SHANK2: variants seen among roughly 807,000 people sequenced by gnomAD.
SHANK2 encodes the protein SH3 and multiple ankyrin repeat domains protein 2.
Under a neutral mutation model 133.7 loss-of-function variants are expected in SHANK2, and 43 were observed. The ratio of observed to expected loss-of-function variants is 0.32; its 90% CI spans 0.25 to 0.41. SHANK2 has a LOEUF of 0.41. Among genes scored for constraint, SHANK2 ranks in the 10% least tolerant of loss-of-function variants. SHANK2 has a pLI of 1.00. For synonymous variants in SHANK2, 1,017 were observed against 952.8 expected (o/e 1.07, Z -1.24); for missense variants, 1,994 against 2,235.8 (o/e 0.89, Z 2.18).
intron 9 of SHANK2, among the ~76,000 whole-genome samples, chr11:71,067,752 C>T (rs1951084488): frequency 6.6e-6 from 1 of 152,104 alleles, no homozygotes; most frequent in South Asian, 2.1e-4. Context: ...TCACTATCAC[C>T]GTCGCCACCA....
chr11:70,539,783 G>A (rs529072865), intron 17 of SHANK2, among the ~76,000 whole-genome samples: 1 of 152,200 alleles, frequency 6.6e-6, no homozygotes, highest in African/African-American at 2.4e-5. Context: ...CGGGGGGGCC[G>A]TAGCAGAGGG....
At chr11:70,908,065 C>A in intron 10 of SHANK2, 1 of 350,774 alleles carries the variant, frequency 2.9e-6, no homozygotes. Flanking sequence ...CGTGCCATTG[C>A]ACTCTGCGCA....
intron 11 of SHANK2, among the ~76,000 whole-genome samples, chr11:70,856,953 A>G (rs1323597016): frequency 6.6e-6 from 1 of 152,144 alleles, no homozygotes; most frequent in Non-Finnish European, 1.5e-5. Context: ...ACTTCTGTCT[A>G]CCTCGTCTCT....
rs542815134 is a variant in SHANK2 at position 70,508,176 on chromosome 11, C to T, written c.2062-5245G>A. Among the ~76,000 whole-genome samples, 77 of 152,350 alleles carry T rather than the reference C, an allele frequency of 5.1e-4. No individual in the cohort carries two copies. In the South Asian group the frequency reaches 0.014, roughly 28 times the overall value. On this transcript the variant is annotated intron_variant, in intron 17 of 25. Transcript: ENST00000601538. ...GCAATGAGAGCCTGCCTACTGGGAA[C>T]GCCACAGGGCACCAGGGCTCATGGG... is the stretch of plus-strand genomic sequence containing the variant.
chr11:71,182,489 G>T (rs570456985), intron 2 of SHANK2, among the ~76,000 whole-genome samples: 10 of 152,198 alleles, frequency 6.6e-5, no homozygotes, highest in Non-Finnish European at 1.5e-4. Context: ...GGAGGCATCT[G>T]CTCCAGGCCT....
In SHANK2 at chr11:70,502,223, G is replaced by A. The variant is rs1555158815; in HGVS notation, c.2261C>T (p.Ser754Leu). The change falls in exon 19 of 26, where the codon TCG becomes TTG. Residue 754 changes from serine to leucine, a missense_variant. Transcript: ENST00000601538. Reference sequence around the variant, plus strand: ...CGACTTACCGAGCTCCTCCAGCTCCGAGGTCATGGACTTGGAGCGCAGGGT... The same window carrying A: ...CGACTTACCGAGCTCCTCCAGCTCCAAGGTCATGGACTTGGAGCGCAGGGT... ...ALTLRSKSMT[S>L]ELEELVDKAS... is the part of the protein sequence containing the mutation. The A allele has an allele frequency of 1.0e-5, 16 of 1,558,160 alleles. No homozygotes were observed. Among genetic ancestry groups the A allele is most frequent in the Non-Finnish European group, 1.4e-5 (16 of 1,149,970 alleles).
chr11:70,610,947 T>C (rs1338023462), intron 17 of SHANK2, among the ~76,000 whole-genome samples: 2 of 152,196 alleles, frequency 1.3e-5, no homozygotes, highest in Non-Finnish European at 2.9e-5. Context: ...CATATGGAAC[T>C]ATGGGGCACG....
intron 17 of SHANK2, among the ~76,000 whole-genome samples, chr11:70,580,106 A>G (rs1328678421): frequency 6.6e-6 from 1 of 152,220 alleles, no homozygotes; most frequent in Non-Finnish European, 1.5e-5. Context: ...ACTTGCTGCC[A>G]ATGCCTCAGC....
At chr11:70,582,681 G>A (rs2060199441) in intron 17 of SHANK2, among the ~76,000 whole-genome samples, 2 of 152,206 alleles carry the variant, frequency 1.3e-5, no homozygotes, top group Admixed American at 1.3e-4. Flanking sequence ...TGCTGTCGGG[G>A]TCCCTGAAGG....
At chr11:70,910,837 T>C (rs1590823327) in intron 10 of SHANK2, among the ~76,000 whole-genome samples, 1 of 147,144 alleles carries the variant, frequency 6.8e-6, no homozygotes, top group Admixed American at 6.8e-5. Flanking sequence ...AAGAATAGAG[T>C]GATGAAAATC....
Position 71,118,872 on chromosome 11 carries a change from C to A in SHANK2, c.368G>T (p.Arg123Leu), listed in dbSNP as rs561592558. 1.3e-6 allele frequency: 2 copies of A among 1,551,522 alleles called. No homozygotes were observed. Among genetic ancestry groups the A allele is most frequent in the African/African-American group, 2.7e-5 (2 of 73,052 alleles). Residue 123 changes from arginine (R) to leucine (L), a missense_variant, in exon 4 of 26, where the codon CGC becomes CTC. This residue lies in a region of SHANK2 where 653 missense variants were observed against 563.4 expected (regional missense o/e 1.16). Coordinates refer to ENST00000601538, the MANE Select transcript of SHANK2 (RefSeq NM_012309.5). ...GKFLDEERLL[R>L]EYPQPVGEGV... ...CTCACCCACGGGCTGTGGGTACTCG[C>A]GCAGGAGCCGCTCCTCATCCAGGAA...
At position 71,094,685 on chromosome 11, in the gene SHANK2, G is replaced by T. The variant is rs1951576823; in HGVS notation, c.596C>A (p.Thr199Asn). The T allele has an allele frequency of 6.4e-7, 1 of 1,551,412 alleles. No homozygotes were observed. Among genetic ancestry groups the T allele is most frequent in the Non-Finnish European group, 8.7e-7 (1 of 1,146,692 alleles). Residue 199 changes from threonine to asparagine, a missense_variant, in exon 7 of 26, where the codon ACC becomes AAC. By Grantham distance (65) the Thr-to-Asn change is moderately conservative (BLOSUM62 0). Coordinates refer to ENST00000601538, the MANE Select transcript of SHANK2 (RefSeq NM_012309.5). Reference protein sequence around the residue: ...PNFHDPETGETPLTLAAQLDD... With the variant: ...PNFHDPETGENPLTLAAQLDD... ...CAGCTGAGCGGCTAAGGTCAGGGGG[G>T]TCTCTGAGGAACCCAAACACACACA...
At chr11:71,185,729 A>G (rs1303315525) in intron 2 of SHANK2, among the ~76,000 whole-genome samples, 1 of 152,314 alleles carries the variant, frequency 6.6e-6, no homozygotes, top group South Asian at 2.1e-4. Context: ...CATGGGACAA[A>G]GCAGATACAA....
At chr11:70,828,766 T>C (rs1555057719) in intron 11 of SHANK2, among the ~76,000 whole-genome samples, 1 of 152,106 alleles carries the variant, frequency 6.6e-6, no homozygotes, top group Non-Finnish European at 1.5e-5. Flanking sequence ...CCTCCAAGGC[T>C]GGGGGACCCG....
At chr11:70,939,290 C>T (rs1382124179) in intron 10 of SHANK2, among the ~76,000 whole-genome samples, 2 of 152,196 alleles carry the variant, frequency 1.3e-5, no homozygotes, top group East Asian at 1.9e-4. Flanking sequence ...GCCTGACCAA[C>T]ATGGTGAAAC....
rs1555154707 is a variant in SHANK2, at chr11:70,487,751, T to C, written c.2573-31A>G. On this transcript the variant is annotated intron_variant, in intron 24 of 25. Transcript: ENST00000601538. This position sits in a 1 kb window ranked among gnomAD's most constrained non-coding sequence, Gnocchi z 5.8. ...AGCAGAAAACAGGTTTAGCTTTAAG[T>C]CACAATAGCAACAAAGCCTAAGTTC... is the stretch of plus-strand genomic sequence containing the variant. The C allele has an allele frequency of 6.4e-7, 1 of 1,550,670 alleles. No individual in the cohort carries two copies. Among genetic ancestry groups the C allele is most frequent in the South Asian group, 1.2e-5 (1 of 84,058 alleles).
chr11:70,652,333 C>T (rs993031578), intron 17 of SHANK2, among the ~76,000 whole-genome samples: 3 of 152,104 alleles, frequency 2.0e-5, no homozygotes, highest in Non-Finnish European at 2.9e-5. Context: ...TGGAAGTGTC[C>T]GACGTACTTG....
intron 6 of SHANK2, among the ~76,000 whole-genome samples, chr11:71,095,721 T>C (rs1252849305): frequency 6.6e-6 from 1 of 152,248 alleles, no homozygotes; most frequent in Non-Finnish European, 1.5e-5. Context: ...TTAATTGTGA[T>C]GTTTACTTAT....
intron 10 of SHANK2, among the ~76,000 whole-genome samples, chr11:70,942,395 C>T (rs967792766): frequency 1.3e-5 from 2 of 152,098 alleles, no homozygotes; most frequent in Non-Finnish European, 2.9e-5. Flanking sequence ...CTTATGGGAA[C>T]AAACCCATTC....
Sources: allele counts gnomAD v4.1 joint callset (sites outside exome capture counted in the v4.1 genomes callset), GRCh38; gene constraint gnomAD v4.1.1; regional missense constraint gnomAD v4.1.1; non-coding constraint Gnocchi (gnomAD v3.1); transcripts MANE v1.5; gene names NCBI Gene and HGNC (gene_info 2026-07-23, HGNC 2026-07-21).